Variants in DENND1B observed in about 807,000 individuals in gnomAD.
DENND1B encodes DENN domain containing 1B, also known as DENN domain-containing protein 1B.
In DENND1B, 59 loss-of-function variants were observed where a neutral mutation model predicts 90.1. The ratio of observed to expected loss-of-function variants is 0.65; its 90% CI spans 0.53 to 0.81. The LOEUF is 0.81. Ranked by LOEUF, DENND1B falls within the 40% of genes least tolerant of loss-of-function variation. The pLI, the probability that DENND1B is intolerant of heterozygous loss-of-function variation, is 0.00. For missense variants in DENND1B, 862 were observed against 912.6 expected (o/e 0.94, Z 0.71); for synonymous variants, 337 against 324.6 (o/e 1.04, Z -0.41).
Position 197,775,139 on chromosome 1 carries a change from T to G in DENND1B, c.17A>C (p.Lys6Thr). 7 of 1,296,646 alleles carry G rather than the reference T, an allele frequency of 5.4e-6. No individual in the cohort carries two copies. The highest frequency in any genetic ancestry group is 5.9e-6 in the Non-Finnish European group (6 of 1,012,146). The allele number at this position is 1,296,646 out of a possible 1,614,324, so 80.3% of individuals were successfully genotyped here. A position where few individuals can be genotyped will look rare whatever the true frequency, so the allele number is the denominator to read the frequency against. Residue 6 changes from lysine to threonine, a missense_variant and splice_region_variant, in exon 1 of 23, where the codon AAG becomes ACG. Transcript: ENST00000620048. MDCRT[K>T]ANPDRTFDLV... Reference sequence around the variant, plus strand: ...GACGCGCCCGGGCCCCCCCACTCACTTGGTCCTGCAGTCCATGGTTACATG... The same window carrying G: ...GACGCGCCCGGGCCCCCCCACTCACGTGGTCCTGCAGTCCATGGTTACATG...
chr1:197,723,580 C>G (rs1375272261), intron 2 of DENND1B, among the ~76,000 whole-genome samples: 1 of 152,144 alleles, frequency 6.6e-6, no homozygotes, highest in Non-Finnish European at 1.5e-5. Context: ...AAAGCCAACA[C>G]AAACGTTTTT....
intron 2 of DENND1B, among the ~76,000 whole-genome samples, chr1:197,727,999 C>A (rs1388262077): frequency 2.6e-5 from 4 of 152,064 alleles, no homozygotes; most frequent in Non-Finnish European, 5.9e-5. Context: ...ATGGATCGCC[C>A]CTACATATAA....
rs540562417 is a variant in DENND1B at position 197,675,800 on chromosome 1, T to C, written c.127-1631A>G. On this transcript the variant is annotated intron_variant, in intron 3 of 22. Transcript: ENST00000620048. ...AATTTCTGTAACAATAAAGAACATA[T>C]ATTCAAAATTCAATATCTCCCTCTA... Among the ~76,000 whole-genome samples, 6 of 152,228 alleles carry C rather than the reference T, an allele frequency of 3.9e-5. No individual in the cohort carries two copies. In the South Asian group the frequency reaches 1.0e-3, roughly 26 times the overall value.
At chr1:197,536,561 T>C (rs1020429580) in intron 20 of DENND1B, among the ~76,000 whole-genome samples, 5 of 151,776 alleles carry the variant, frequency 3.3e-5, no homozygotes, top group Non-Finnish European at 7.4e-5. Context: ...GGGAAAAAAA[T>C]TAAGGGTGAA....
rs1040455692 is a variant in DENND1B, at chr1:197,505,583, T to A, written c.*4877A>T. 6.6e-6 allele frequency: 1 copy of A among 151,586 alleles called. No individual in the cohort carries two copies. Among genetic ancestry groups the A allele is most frequent in the Non-Finnish European group, 1.5e-5 (1 of 67,720 alleles). The allele number at this position is 151,586 out of a possible 1,614,324, so 9.4% of individuals were successfully genotyped here. A position where few individuals can be genotyped will look rare whatever the true frequency, so the allele number is the denominator to read the frequency against. ...TCTTCAGTACCTTGCTTTATTATTATTTTTTTGGTATGTCTGCATGTTGCA... is the reference window on the plus strand; with the variant it reads ...TCTTCAGTACCTTGCTTTATTATTAATTTTTTGGTATGTCTGCATGTTGCA... On this transcript the variant is annotated 3_prime_UTR_variant, in exon 23 of 23. Coordinates refer to ENST00000620048, the MANE Select transcript of DENND1B (RefSeq NM_001195215.2).
At chr1:197,598,918 G>A (rs1432187199) in intron 13 of DENND1B, among the ~76,000 whole-genome samples, 1 of 151,682 alleles carries the variant, frequency 6.6e-6, no homozygotes, top group Non-Finnish European at 1.5e-5. Flanking sequence ...AGAAAATTCA[G>A]AAATAAGCAT....
chr1:197,620,167 C>A (rs1236277961), intron 10 of DENND1B, among the ~76,000 whole-genome samples: 2 of 151,032 alleles, frequency 1.3e-5, no homozygotes, highest in African/African-American at 4.9e-5. Flanking sequence ...TCCATATTCA[C>A]CTAGTAGCAT....
chr1:197,548,704 G>T (rs1173189290), intron 16 of DENND1B, among the ~76,000 whole-genome samples: 1 of 151,928 alleles, frequency 6.6e-6, no homozygotes, highest in Non-Finnish European at 1.5e-5. Context: ...AATAAAATAT[G>T]ATTAAAACTT....
At chr1:197,636,442 T>C (rs1679802247) in intron 10 of DENND1B, among the ~76,000 whole-genome samples, 1 of 152,088 alleles carries the variant, frequency 6.6e-6, no homozygotes, top group South Asian at 2.1e-4. Flanking sequence ...AGAGGCAAAA[T>C]TGCATAAAGG....
chr1:197,737,995 C>A (rs909326646), intron 2 of DENND1B, among the ~76,000 whole-genome samples: 1 of 135,954 alleles, frequency 7.4e-6, no homozygotes, highest in Admixed American at 7.6e-5. Context: ...TAACCCAGCT[C>A]ATTTTCTTCC....
At chr1:197,562,273 C>T (rs1672235574) in intron 15 of DENND1B, among the ~76,000 whole-genome samples, 1 of 151,908 alleles carries the variant, frequency 6.6e-6, no homozygotes, top group Non-Finnish European at 1.5e-5. Flanking sequence ...ACAGGCATAT[C>T]TCATTTAATT....
At chr1:197,661,128 T>TG (rs1325841433) in intron 5 of DENND1B, among the ~76,000 whole-genome samples, 1 of 152,114 alleles carries the variant, frequency 6.6e-6, no homozygotes, top group Non-Finnish European at 1.5e-5. Context: ...AAATTACTAT[T>TG]GGTAATCTCA....
chr1:197,642,658 CT>C, intron 10 of DENND1B, 52 bp downstream of exon 10: 1 of 1,346,626 alleles, frequency 7.4e-7, no homozygotes, highest in South Asian at 1.3e-5. Flanking sequence ...GTTTTTAGGT[CT>C]TTTTGTGAAA....
intron 16 of DENND1B, among the ~76,000 whole-genome samples, chr1:197,548,842 T>G (rs1484357117): frequency 2.0e-5 from 3 of 152,094 alleles, no homozygotes; most frequent in Non-Finnish European, 2.9e-5. Flanking sequence ...ATCTAAAATT[T>G]CATAGTATAG....
intron 2 of DENND1B, chr1:197,735,752 G>GT (rs746116499): frequency 6.2e-7 from 1 of 1,612,236 alleles, no homozygotes; most frequent in South Asian, 1.1e-5. Context: ...GCGAATCGGC[G>GT]TACTTTTCCA....
chr1:197,527,046 T>A (rs984389053), intron 20 of DENND1B, among the ~76,000 whole-genome samples: 1 of 152,172 alleles, frequency 6.6e-6, no homozygotes, highest in African/African-American at 2.4e-5. Flanking sequence ...TTAATATTAT[T>A]TCAACAGAGA....
At chr1:197,643,337 T>C (rs1680443730) in intron 9 of DENND1B, among the ~76,000 whole-genome samples, 1 of 151,958 alleles carries the variant, frequency 6.6e-6, no homozygotes, top group Non-Finnish European at 1.5e-5. Context: ...GTATTTTTAG[T>C]AGAGAGATGG....
At chr1:197,540,120 T>C in intron 19 of DENND1B, 49 bp from the exon 20 acceptor site, 1 of 1,298,460 alleles carries the variant, frequency 7.7e-7, no homozygotes, top group Non-Finnish European at 1.1e-6. Context: ...ACTCCTTTTA[T>C]TACTAACGTA....
At chr1:197,640,169 C>CTAT (rs1680145852) in intron 10 of DENND1B, among the ~76,000 whole-genome samples, 1 of 151,940 alleles carries the variant, frequency 6.6e-6, no homozygotes, top group Non-Finnish European at 1.5e-5. Flanking sequence ...CAGATGTAGA[C>CTAT]TATTATAAAA....
Sources: gnomAD v4.1 joint callset for allele counts (sites outside exome capture counted in the v4.1 genomes callset) on GRCh38, gnomAD v4.1.1 for gene constraint, MANE v1.5 for transcripts, NCBI Gene and HGNC (gene_info 2026-07-23, HGNC 2026-07-21) for gene names.